GALNT13: variants seen among roughly 807,000 people sequenced by gnomAD.
The protein encoded by GALNT13 is polypeptide N-acetylgalactosaminyltransferase 13, also known as UDP-GalNAc:polypeptide N-acetylgalactosaminyltransferase 13.
GALNT13 carries 28 observed loss-of-function variants against 64.2 expected under a neutral mutation model. The ratio of observed to expected loss-of-function variants is 0.44; its 90% confidence interval spans 0.32 to 0.60. The LOEUF is 0.60. GALNT13 is among the 20% of genes least tolerant of loss of function. GALNT13 has a pLI of 0.05. For synonymous variants in GALNT13, 214 were observed against 224.6 expected, an observed-to-expected ratio of 0.95 and a Z score of 0.42; for missense variants, 577 against 669.8, an observed-to-expected ratio of 0.86 and a Z score of 1.53.
At chr2:154,172,265 C>G (rs963071607) in intron 4 of GALNT13, among the ~76,000 whole-genome samples, 1 of 151,852 alleles carries the variant, frequency 6.6e-6, no homozygotes. Context: ...AATCCATCAC[C>G]TTTTATGTTT....
chr2:153,966,222 T>TC (rs1217293013), intron 3 of GALNT13, among the ~76,000 whole-genome samples: 27 of 148,810 alleles, frequency 1.8e-4, no homozygotes, highest in African/African-American at 6.4e-4. Context: ...TGGATTTCTT[T>TC]TTTTTTTTTT....
intron 4 of GALNT13, among the ~76,000 whole-genome samples, chr2:154,159,326 G>T (rs1684602740): frequency 6.6e-6 from 1 of 151,714 alleles, no homozygotes; most frequent in Admixed American, 6.6e-5. Context: ...GTAGAGATGA[G>T]GTTTCACCAT....
the GALNT13 span, among the ~76,000 whole-genome samples, chr2:153,361,671 G>A: frequency 6.6e-6 from 1 of 151,756 alleles, no homozygotes; most frequent in African/African-American, 2.4e-5. Context: ...CAAGATTTTA[G>A]AAAAAAAGAA....
the GALNT13 span, among the ~76,000 whole-genome samples, chr2:153,565,015 A>T: frequency 6.6e-6 from 1 of 152,116 alleles, no homozygotes; most frequent in Admixed American, 6.5e-5. Context: ...GCATTCTTCT[A>T]ACAAGCTGAA....
the GALNT13 span, among the ~76,000 whole-genome samples, chr2:153,316,409 G>A: frequency 6.9e-4 from 105 of 152,114 alleles, 1 homozygote; most frequent in South Asian, 0.014. Flanking sequence ...TTGGGAGGCC[G>A]AGGAGGGTGG....
the GALNT13 span, among the ~76,000 whole-genome samples, chr2:153,425,818 A>G: frequency 6.6e-6 from 1 of 151,892 alleles, no homozygotes; most frequent in Admixed American, 6.6e-5. Flanking sequence ...AACAATTATA[A>G]TCAATATTTC....
At chr2:153,510,403 C>A in the GALNT13 span, among the ~76,000 whole-genome samples, 1 of 152,114 alleles carries the variant, frequency 6.6e-6, no homozygotes, top group Non-Finnish European at 1.5e-5. Flanking sequence ...TAGGATAAGC[C>A]AGGAACCATT....
intron 2 of GALNT13, among the ~76,000 whole-genome samples, chr2:153,918,237 C>T (rs1036022568): frequency 6.6e-6 from 1 of 151,978 alleles, no homozygotes; most frequent in Non-Finnish European, 1.5e-5. Context: ...ATCTTTCTAC[C>T]ACTTGAACTG....
the GALNT13 span, among the ~76,000 whole-genome samples, chr2:153,435,960 G>A: frequency 1.3e-5 from 2 of 152,222 alleles, no homozygotes; most frequent in South Asian, 4.2e-4. Context: ...TATTGGCTGT[G>A]GGTTTGTCAT....
the GALNT13 span, among the ~76,000 whole-genome samples, chr2:153,841,737 T>C: frequency 2.0e-5 from 3 of 152,296 alleles, no homozygotes; most frequent in East Asian, 3.9e-4. Context: ...ATCTGTATTA[T>C]GGTTTGATCT....
intron 3 of GALNT13, among the ~76,000 whole-genome samples, chr2:154,100,580 G>A (rs1002092826): frequency 1.3e-5 from 2 of 152,044 alleles, no homozygotes; most frequent in Non-Finnish European, 2.9e-5. Context: ...TACTGTAGTC[G>A]TTTATCTAGT....
At chr2:153,439,924 G>C in the GALNT13 span, among the ~76,000 whole-genome samples, 1 of 152,192 alleles carries the variant, frequency 6.6e-6, no homozygotes, top group Admixed American at 6.5e-5. Flanking sequence ...GCTGGGAGCT[G>C]CAGACTGGAG....
At chr2:153,119,552 G>C in the GALNT13 span, among the ~76,000 whole-genome samples, 1 of 152,182 alleles carries the variant, frequency 6.6e-6, no homozygotes, top group African/African-American at 2.4e-5. Context: ...AAATGGCACT[G>C]TTAGTGCCCC....
chr2:153,461,539 A>G, the GALNT13 span, among the ~76,000 whole-genome samples: 34,547 of 151,976 alleles, frequency 0.23, 4,084 homozygotes, highest in Middle Eastern at 0.25. Context: ...CGGATAAGAA[A>G]TAGTTGTATG....
intron 3 of GALNT13, among the ~76,000 whole-genome samples, chr2:153,997,004 C>T (rs1276485717): frequency 6.6e-6 from 1 of 151,992 alleles, no homozygotes; most frequent in Non-Finnish European, 1.5e-5. Context: ...TTGTTTCTGG[C>T]TTCTCTATTC....
At chr2:154,023,967 T>C (rs1697740365) in intron 3 of GALNT13, among the ~76,000 whole-genome samples, 1 of 152,232 alleles carries the variant, frequency 6.6e-6, no homozygotes, top group Non-Finnish European at 1.5e-5. Flanking sequence ...TTAGTTTGGC[T>C]GGATATGAGA....
At chr2:153,852,051 C>G in the GALNT13 span, among the ~76,000 whole-genome samples, 1 of 151,594 alleles carries the variant, frequency 6.6e-6, no homozygotes, top group Non-Finnish European at 1.5e-5. Flanking sequence ...AGCGTTGCAG[C>G]TAATAATCCA....
intron 2 of GALNT13, among the ~76,000 whole-genome samples, chr2:153,903,918 C>T (rs912247911): frequency 2.6e-5 from 4 of 151,928 alleles, no homozygotes; most frequent in Non-Finnish European, 4.4e-5. Context: ...CCAGCCATTA[C>T]CTCCTTTCCA....
At chr2:154,023,290 G>T (rs1324532350) in intron 3 of GALNT13, among the ~76,000 whole-genome samples, 3 of 152,042 alleles carry the variant, frequency 2.0e-5, no homozygotes. Context: ...TTGACAGTGG[G>T]GTGTTAAAGT....
Sources: gnomAD v4.1 joint callset for allele counts (sites outside exome capture counted in the v4.1 genomes callset) on GRCh38, gnomAD v4.1.1 for gene constraint, MANE v1.5 for transcripts, NCBI Gene and HGNC (gene_info 2026-07-23, HGNC 2026-07-21) for gene names.